Variants in PICALM observed in about 807,000 individuals in gnomAD.
PICALM encodes the protein phosphatidylinositol-binding clathrin assembly protein.
A neutral mutation model predicts 80.5 loss-of-function variants in PICALM; 40 were observed. That is an observed-to-expected ratio of 0.50 (90% CI 0.39 to 0.65). PICALM has a LOEUF of 0.65. Among genes scored for constraint, PICALM ranks in the 30% least tolerant of loss-of-function variants. The pLI is 0.00. For synonymous variants in PICALM, 288 were observed against 260.3 expected, an observed-to-expected ratio of 1.11 and a Z score of -1.02; for missense variants, 676 against 778.9, an observed-to-expected ratio of 0.87 and a Z score of 1.57.
At chr11:86,014,642 T>C (rs533554466) in intron 5 of PICALM, among the ~76,000 whole-genome samples, 1 of 152,284 alleles carries the variant, frequency 6.6e-6, no homozygotes, top group South Asian at 2.1e-4. Flanking sequence ...CCACTTTAGC[T>C]TGTATATCTT....
At position 86,042,989 on chromosome 11, in the gene PICALM, T is replaced by C. The variant is rs918638801; in HGVS notation, c.131-11378A>G. ...CTAAGTCTGGAGAAAAGTACGTTAT[T>C]AGTTAGGAATGACCAACCGTCCTGG... On this transcript the variant is annotated intron_variant, in intron 1 of 19. Coordinates refer to ENST00000393346, the MANE Select transcript of PICALM (RefSeq NM_007166.4). Among the ~76,000 whole-genome samples the C allele has an allele frequency of 3.3e-5, 5 of 152,194 alleles. No individual in the cohort carries two copies. The South Asian group carries it at 8.3e-4, about 25-fold the overall frequency.
chr11:86,014,766 C>G (rs2095453533), intron 5 of PICALM, 104 bp downstream of exon 5: 1 of 594,564 alleles, frequency 1.7e-6, no homozygotes, highest in Admixed American at 3.6e-5. Context: ...TATAGGATAT[C>G]AGGATGTGAA....
chr11:86,066,912 T>C (rs1479410412), intron 1 of PICALM, among the ~76,000 whole-genome samples: 1 of 152,198 alleles, frequency 6.6e-6, no homozygotes, highest in Admixed American at 6.5e-5. Flanking sequence ...ACATATGGCT[T>C]TACGATGCAT....
intron 1 of PICALM, among the ~76,000 whole-genome samples, chr11:86,049,578 A>T (rs1169514352): frequency 6.6e-6 from 1 of 151,500 alleles, no homozygotes; most frequent in Non-Finnish European, 1.5e-5. Flanking sequence ...CCTGAGAAAG[A>T]GTCTCACTCT....
chr11:86,035,211 T>C (rs1396400715), intron 1 of PICALM, among the ~76,000 whole-genome samples: 1 of 152,126 alleles, frequency 6.6e-6, no homozygotes, highest in African/African-American at 2.4e-5. Context: ...ATTCCTAGTG[T>C]AGGCCTTTAC....
chr11:86,052,069 C>A (rs1025101400), intron 1 of PICALM, among the ~76,000 whole-genome samples: 8 of 152,124 alleles, frequency 5.3e-5, no homozygotes, highest in African/African-American at 1.7e-4. Flanking sequence ...GCTCTGTGTC[C>A]CTACCCAAAT....
At position 86,031,501 on chromosome 11, in the gene PICALM, T is replaced by C; in HGVS notation, c.241A>G (p.Thr81Ala). ...CCATACACCATCAAATGATGAGTTG[T>C]AATGAGAGATTTGAAGACCACCACC... ...SWVVVFKSLITTHHLMVYGNE... is the reference protein window; with the variant it reads ...SWVVVFKSLIATHHLMVYGNE... The change falls in exon 2 of 20, where the codon ACA becomes GCA. Residue 81 changes from threonine (T) to alanine (A), a missense_variant. Physicochemically the swap from Thr to Ala is moderately conservative, Grantham distance 58. Transcript: ENST00000393346. The C allele has an allele frequency of 6.2e-7, 1 of 1,612,770 alleles. No individual in the cohort carries two copies. The highest frequency in any genetic ancestry group is 8.5e-7 in the Non-Finnish European group (1 of 1,179,368).
At chr11:86,027,432 AT>A (rs899881756) in intron 2 of PICALM, among the ~76,000 whole-genome samples, 25 of 143,490 alleles carry the variant, frequency 1.7e-4, no homozygotes, top group South Asian at 6.6e-4. Context: ...TTTCTTCTTC[AT>A]TTTTTTTTTA....
chr11:86,058,915 G>A (rs2096310922), intron 1 of PICALM, among the ~76,000 whole-genome samples: 1 of 152,114 alleles, frequency 6.6e-6, no homozygotes, highest in Non-Finnish European at 1.5e-5. Context: ...CTAATTTCAA[G>A]AATATGTCCT....
chr11:86,047,590 T>C (rs1380674791), intron 1 of PICALM, among the ~76,000 whole-genome samples: 4 of 152,220 alleles, frequency 2.6e-5, no homozygotes, highest in African/African-American at 9.6e-5. Context: ...AATTTTCCAG[T>C]CATCTTTTGC....
At chr11:86,006,370 G>A (rs922049427) in intron 8 of PICALM, among the ~76,000 whole-genome samples, 10 of 152,210 alleles carry the variant, frequency 6.6e-5, no homozygotes, top group Non-Finnish European at 1.0e-4. Flanking sequence ...ACTGGAAGCT[G>A]GGTGTGGTGG....
intron 11 of PICALM, 74 bp downstream of exon 11, chr11:86,000,569 A>C (rs902296262): frequency 1.6e-5 from 20 of 1,268,426 alleles, no homozygotes; most frequent in Non-Finnish European, 2.1e-5. Context: ...AGTAAACCTG[A>C]AAAGTTCTGC....
intron 8 of PICALM, among the ~76,000 whole-genome samples, chr11:86,004,982 A>T (rs1279787499): frequency 6.6e-6 from 1 of 152,220 alleles, no homozygotes; most frequent in Admixed American, 6.5e-5. Flanking sequence ...GATAAGGAGG[A>T]TGTTGATGAT....
chr11:85,969,593 C>A, intron 19 of PICALM: 1 of 339,654 alleles, frequency 2.9e-6, no homozygotes. Flanking sequence ...TAGCATTCTA[C>A]GGACAAAATT....
intron 19 of PICALM, among the ~76,000 whole-genome samples, chr11:85,974,212 C>CT (rs1375089313): frequency 2.6e-5 from 4 of 152,114 alleles, no homozygotes; most frequent in African/African-American, 7.2e-5. Flanking sequence ...TTTTTGACTC[C>CT]TTTTTTTGGT....
chr11:86,012,593 T>C (rs1343950788), intron 5 of PICALM, among the ~76,000 whole-genome samples: 3 of 152,206 alleles, frequency 2.0e-5, no homozygotes, highest in Non-Finnish European at 2.9e-5. Flanking sequence ...ATTATTAAAT[T>C]TGCTGTAACC....
At chr11:86,034,444 G>A (rs1038734250) in intron 1 of PICALM, among the ~76,000 whole-genome samples, 4 of 152,052 alleles carry the variant, frequency 2.6e-5, no homozygotes, top group African/African-American at 4.8e-5. Flanking sequence ...AACACTTATC[G>A]GGGACTCTCA....
chr11:86,012,237 A>C (rs1419051561), intron 6 of PICALM, 44 bp downstream of exon 6: 1 of 1,073,654 alleles, frequency 9.3e-7, no homozygotes, highest in South Asian at 1.4e-5. Flanking sequence ...GTTTATCCAT[A>C]TGACACAAGA....
intron 13 of PICALM, 112 bp from the exon 14 acceptor site, chr11:85,984,085 C>A: frequency 1.7e-6 from 1 of 595,276 alleles, no homozygotes; most frequent in South Asian, 2.2e-5. Context: ...CACACAAAAA[C>A]AAAGCCAATC....
Sources: gnomAD v4.1 joint callset for allele counts (sites outside exome capture counted in the v4.1 genomes callset) on GRCh38, gnomAD v4.1.1 for gene constraint, MANE v1.5 for transcripts, NCBI Gene and HGNC (gene_info 2026-07-23, HGNC 2026-07-21) for gene names.